The following OPRM1 variants were observed in gnomAD, a reference collection of about 807,000 sequenced individuals.
OPRM1 encodes mu-type opioid receptor.
Under a neutral mutation model 31.8 loss-of-function variants are expected in OPRM1, and 27 were observed. The observed-to-expected ratio is 0.85, with a 90% CI of 0.63 to 1.17. The LOEUF (loss-of-function observed/expected upper bound fraction) is 1.17. OPRM1 is among the 50% of genes most tolerant of loss of function. OPRM1 has a pLI of 0.00. For missense variants in OPRM1, 536 were observed against 511.1 expected, an observed-to-expected ratio of 1.05 and a Z score of -0.47; for synonymous variants, 196 against 189.9, an observed-to-expected ratio of 1.03 and a Z score of -0.26.
At chr6:154,019,751 T>C (rs575477891) in intron 1 of OPRM1, among the ~76,000 whole-genome samples, 22 of 146,918 alleles carry the variant, frequency 1.5e-4, no homozygotes, top group Admixed American at 1.1e-3. Context: ...TCTTTTCTTT[T>C]TTTTTTTTTT....
chr6:154,068,977 A>G (rs1278919917), intron 1 of OPRM1, among the ~76,000 whole-genome samples: 1 of 152,128 alleles, frequency 6.6e-6, no homozygotes, highest in Non-Finnish European at 1.5e-5. Flanking sequence ...CATTTTTTTC[A>G]TATACCTGTT....
At chr6:154,200,623 A>T (rs1281906877) in intron 3 of OPRM1, among the ~76,000 whole-genome samples, 1 of 152,130 alleles carries the variant, frequency 6.6e-6, no homozygotes, top group East Asian at 1.9e-4. Context: ...CAGGAGACTG[A>T]GGCAGGAGAA....
chr6:154,027,982 G>T (rs1011053904), intron 1 of OPRM1, among the ~76,000 whole-genome samples: 2 of 152,132 alleles, frequency 1.3e-5, no homozygotes, highest in African/African-American at 4.8e-5. Context: ...GGCCAAGCTG[G>T]TGTCTAAGGT....
intron 1 of OPRM1, among the ~76,000 whole-genome samples, chr6:154,055,652 C>A (rs142470635): frequency 6.6e-6 from 1 of 152,310 alleles, no homozygotes; most frequent in Non-Finnish European, 1.5e-5. Context: ...TCTCTTCATT[C>A]CCATCAACTC....
intron 3 of OPRM1, among the ~76,000 whole-genome samples, chr6:154,220,231 G>A (rs918708059): frequency 1.3e-5 from 2 of 152,192 alleles, no homozygotes; most frequent in African/African-American, 4.8e-5. Flanking sequence ...GCATGTGGTA[G>A]GCGTTCCATT....
chr6:154,033,556 G>A (rs1387494176), intron 1 of OPRM1, among the ~76,000 whole-genome samples: 1 of 152,220 alleles, frequency 6.6e-6, no homozygotes, highest in African/African-American at 2.4e-5. Flanking sequence ...AAAGAATCAA[G>A]TGAAAGGAAG....
At chr6:154,071,228 C>A (rs1786647318) in intron 1 of OPRM1, among the ~76,000 whole-genome samples, 1 of 152,156 alleles carries the variant, frequency 6.6e-6, no homozygotes, top group African/African-American at 2.4e-5. Flanking sequence ...AGGAAGGAAG[C>A]AGCTCATTAA....
intron 1 of OPRM1, among the ~76,000 whole-genome samples, chr6:154,040,568 T>C (rs1157145339): frequency 6.6e-6 from 1 of 152,142 alleles, no homozygotes; most frequent in East Asian, 1.9e-4. Context: ...AGTCACAAAC[T>C]GCATCTGGAA....
At chr6:154,172,709 A>G (rs1799975413) in intron 3 of OPRM1, among the ~76,000 whole-genome samples, 1 of 152,226 alleles carries the variant, frequency 6.6e-6, no homozygotes, top group African/African-American at 2.4e-5. Context: ...CTGCCTCTCT[A>G]GATTCCACCT....
At chr6:154,011,403 A>G (rs1185182049) in intron 1 of OPRM1, among the ~76,000 whole-genome samples, 2 of 152,200 alleles carry the variant, frequency 1.3e-5, no homozygotes, top group African/African-American at 4.8e-5. Flanking sequence ...ATTTACAAAA[A>G]TCAGCCAATA....
intron 1 of OPRM1, among the ~76,000 whole-genome samples, chr6:154,079,701 A>T (rs1788666561): frequency 6.6e-6 from 1 of 152,224 alleles, no homozygotes; most frequent in East Asian, 1.9e-4. Context: ...CTTTTAATTT[A>T]TCTTTTTAAT....
At chr6:154,019,088 A>G (rs1778185274) in intron 1 of OPRM1, among the ~76,000 whole-genome samples, 1 of 150,918 alleles carries the variant, frequency 6.6e-6, no homozygotes, top group South Asian at 2.1e-4. Context: ...CCTCTCGCGC[A>G]TTTATTTTTG....
In OPRM1 at chr6:154,091,010, G is replaced by A. The variant is rs762443679; in HGVS notation, c.702G>A (p.Leu234=). The stretch of plus-strand genomic sequence containing the variant: ...CAACCTGGTACTGGGAAAACCTGCT[G>A]AAGATCTGTGTTTTCATCTTCGCCT... The part of the protein sequence containing the change: ...SHPTWYWENL[L]KICVFIFAFI... The change falls in exon 3 of 4, where the codon CTG becomes CTA. Residue 234 remains leucine, a synonymous_variant. Coordinates refer to ENST00000330432, the MANE Select transcript of OPRM1 (RefSeq NM_000914.5). 4 of 1,614,126 alleles carry A rather than the reference G, an allele frequency of 2.5e-6. No homozygotes were observed. Among genetic ancestry groups the A allele is most frequent in the Non-Finnish European group, 3.4e-6 (4 of 1,179,978 alleles).
At chr6:154,217,633 T>A (rs375584081) in intron 3 of OPRM1, 2 of 152,220 alleles carry the variant, frequency 1.3e-5, no homozygotes, top group Admixed American at 6.5e-5. Flanking sequence ...ATACGTTTTA[T>A]GTATTATTAA....
intron 3 of OPRM1, among the ~76,000 whole-genome samples, chr6:154,104,823 C>A (rs1227863515): frequency 1.3e-5 from 2 of 152,152 alleles, no homozygotes; most frequent in Non-Finnish European, 2.9e-5. Flanking sequence ...CAGGTAAGAT[C>A]TTTTTAAGCC....
At chr6:154,017,466 T>C (rs754635992) in intron 1 of OPRM1, among the ~76,000 whole-genome samples, 4 of 152,164 alleles carry the variant, frequency 2.6e-5, no homozygotes, top group Non-Finnish European at 5.9e-5. Flanking sequence ...CAGACTGTCC[T>C]GGCTAAAGAG....
At chr6:154,194,343 G>A (rs1189627024) in intron 3 of OPRM1, among the ~76,000 whole-genome samples, 2 of 151,372 alleles carry the variant, frequency 1.3e-5, no homozygotes, top group Non-Finnish European at 2.9e-5. Context: ...AGGTTGCCGT[G>A]AGCTGAGATC....
intron 3 of OPRM1, among the ~76,000 whole-genome samples, chr6:154,206,097 T>C (rs902065938): frequency 2.6e-5 from 4 of 152,162 alleles, no homozygotes; most frequent in African/African-American, 9.6e-5. Context: ...CCCTAGCACA[T>C]GGTAAATACA....
downstream of OPRM1, among the ~76,000 whole-genome samples, chr6:154,136,634 G>C (rs1055870019): frequency 6.6e-6 from 1 of 152,126 alleles, no homozygotes; most frequent in Non-Finnish European, 1.5e-5. Context: ...CACTGGCGCA[G>C]CATCCCCACA....
Sources: gnomAD v4.1 joint callset for allele counts (sites outside exome capture counted in the v4.1 genomes callset) on GRCh38, gnomAD v4.1.1 for gene constraint, MANE v1.5 for transcripts, NCBI Gene and HGNC (gene_info 2026-07-23, HGNC 2026-07-21) for gene names.